Variants in MYH10 observed in about 807,000 individuals in gnomAD.
MYH10 encodes the protein myosin-10.
A neutral mutation model predicts 257.8 loss-of-function variants in MYH10; 55 were observed. The observed-to-expected ratio is 0.21, with a 90% CI of 0.17 to 0.27. The LOEUF is 0.27. Ranked by LOEUF, MYH10 falls within the 10% of genes least tolerant of loss-of-function variation. The probability of loss-of-function intolerance (pLI) is 1.00; values close to 1 mark genes in which losing one functional copy is unlikely to be tolerated. For missense variants in MYH10, 1,631 were observed against 2,500.6 expected, an observed-to-expected ratio of 0.65 and a Z score of 7.42; for synonymous variants, 854 against 921.7, an observed-to-expected ratio of 0.93 and a Z score of 1.33.
chr17:8,476,465 C>T (rs751154968), intron 42 of MYH10, among the ~76,000 whole-genome samples: 7 of 152,210 alleles, frequency 4.6e-5, no homozygotes, highest in Admixed American at 1.3e-4. Flanking sequence ...AGCTCTCTCA[C>T]GCTCTGCCCT....
chr17:8,597,093 T>C (rs1214843256), intron 3 of MYH10, among the ~76,000 whole-genome samples: 2 of 152,156 alleles, frequency 1.3e-5, no homozygotes, highest in African/African-American at 4.8e-5. Flanking sequence ...TGTAGGTGAT[T>C]GCAAAACTAC....
At chr17:8,503,583 C>G (rs1041287889) in intron 28 of MYH10, among the ~76,000 whole-genome samples, 1 of 152,182 alleles carries the variant, frequency 6.6e-6, no homozygotes, top group Admixed American at 6.5e-5. Context: ...ATTCTTTCCA[C>G]GACCAAGTGC....
Position 8,488,169 on chromosome 17 carries a change from T to G in MYH10, c.4885-575A>C, listed in dbSNP as rs186198672. The stretch of plus-strand genomic sequence containing the variant: ...TGGGAGAGTGAGGATGAGTAAGATG[T>G]GGGCTGGAAACCGAGGTGGACACAC... On this transcript the variant is annotated intron_variant, in intron 35 of 42. Coordinates refer to ENST00000360416, the MANE Select transcript of MYH10 (RefSeq NM_001256012.3). Among the ~76,000 whole-genome samples, 193 of 152,216 alleles carry G rather than the reference T, an allele frequency of 1.3e-3. 1 individual carries two copies. The highest frequency in any genetic ancestry group is 0.01 in the Middle Eastern group (3 of 294).
At position 8,478,462 on chromosome 17, in the gene MYH10, CAGT is replaced by C. The variant is rs1452510496; in HGVS notation, c.5598-19_5598-17del. ...TGCTCGTTCCCTGTGAAAGTGGTCACAGTAGTTTTGAAATTCTTGAAATGGTAT... is the reference window on the plus strand; with the variant it reads ...TGCTCGTTCCCTGTGAAAGTGGTCACAGTTTTGAAATTCTTGAAATGGTAT... On this transcript the variant is annotated splice_polypyrimidine_tract_variant and intron_variant, in intron 40 of 42. Coordinates refer to ENST00000360416, the MANE Select transcript of MYH10 (RefSeq NM_001256012.3). The C allele has an allele frequency of 1.2e-6, 2 of 1,611,242 alleles. No individual in the cohort carries two copies. Among genetic ancestry groups the C allele is most frequent in the East Asian group, 2.2e-5 (1 of 44,856 alleles).
chr17:8,594,722 T>C (rs2084295834), intron 3 of MYH10, among the ~76,000 whole-genome samples: 1 of 152,196 alleles, frequency 6.6e-6, no homozygotes, highest in Non-Finnish European at 1.5e-5. Context: ...AAGTCCCTTA[T>C]ATAAAATGGC....
chr17:8,513,928 GA>G (rs752348918), intron 21 of MYH10, 34 bp from the exon 22 acceptor site: 13 of 1,572,400 alleles, frequency 8.3e-6, no homozygotes, highest in Non-Finnish European at 7.8e-6. Context: ...ATGATGTAAA[GA>G]AAAAAGTGCT....
Position 8,545,690 on chromosome 17 carries a change from C to T in MYH10, c.1279-90G>A. 1 of 1,307,198 alleles carries T rather than the reference C, an allele frequency of 7.6e-7. No individual in the cohort carries two copies. The highest frequency in any genetic ancestry group is 1.0e-6 in the Non-Finnish European group (1 of 958,174). 81.0% of individuals were successfully genotyped at this position (1,307,198 alleles called of 1,614,324 possible). On this transcript the variant is annotated intron_variant, in intron 12 of 42. Transcript: ENST00000360416. This position sits in a 1 kb window ranked among gnomAD's most constrained non-coding sequence, Gnocchi z 4.7. Reference sequence around the variant, plus strand: ...TTACGGAATTTAATGTTATACAGCACTCAAAAAACCTGAGATGGCATTCAC... The same window carrying T: ...TTACGGAATTTAATGTTATACAGCATTCAAAAAACCTGAGATGGCATTCAC...
intron 19 of MYH10, 135 bp downstream of exon 19, chr17:8,520,743 T>C: frequency 1.1e-6 from 1 of 935,946 alleles, no homozygotes. Flanking sequence ...TTCCAGAACC[T>C]CACTATATGT....
Position 8,569,623 on chromosome 17 carries a change from T to G in MYH10, c.756+97A>C, listed in dbSNP as rs1249931730. The G allele has an allele frequency of 2.3e-6, 2 of 884,676 alleles. No individual in the cohort carries two copies. Among genetic ancestry groups the G allele is most frequent in the Non-Finnish European group, 3.3e-6 (2 of 598,562 alleles). The allele number at this position is 884,676 out of a possible 1,614,324, so 54.8% of individuals were successfully genotyped here. Reference sequence around the variant, plus strand: ...TACAGAACTACATCTATTAGCTTCTTAAAATCTAGGAAGAAAAGTAATTCA... The same window carrying G: ...TACAGAACTACATCTATTAGCTTCTGAAAATCTAGGAAGAAAAGTAATTCA... On this transcript the variant is annotated intron_variant, in intron 7 of 42. Transcript: ENST00000360416. This position sits in a 1 kb window ranked among gnomAD's most constrained non-coding sequence, Gnocchi z 4.1.
At chr17:8,508,238 G>T (rs151042629) in intron 26 of MYH10, among the ~76,000 whole-genome samples, 1 of 151,978 alleles carries the variant, frequency 6.6e-6, no homozygotes, top group African/African-American at 2.4e-5. Context: ...AAGTAGCTGG[G>T]ACTATAGATG....
intron 36 of MYH10, among the ~76,000 whole-genome samples, chr17:8,486,543 C>CAA (rs67844660): frequency 1.1e-4 from 13 of 120,730 alleles, no homozygotes; most frequent in African/African-American, 3.7e-4. Flanking sequence ...TATTTAGCTT[C>CAA]AAAAAAAAAA....
chr17:8,493,467 GTC>G (rs1025470672), intron 32 of MYH10, among the ~76,000 whole-genome samples: 2 of 152,092 alleles, frequency 1.3e-5, no homozygotes, highest in African/African-American at 4.8e-5. Flanking sequence ...GTCTTAGACT[GTC>G]ACTTAATTTC....
chr17:8,512,280 T>C (rs1429310757), intron 24 of MYH10, among the ~76,000 whole-genome samples, 171 bp downstream of exon 24: 1 of 152,188 alleles, frequency 6.6e-6, no homozygotes, highest in Non-Finnish European at 1.5e-5. Context: ...AAAGAAAATC[T>C]ATTATAGGTG....
At chr17:8,613,233 G>T (rs2085113788) in intron 2 of MYH10, among the ~76,000 whole-genome samples, 1 of 151,810 alleles carries the variant, frequency 6.6e-6, no homozygotes, top group Non-Finnish European at 1.5e-5. Context: ...TCCAAATCCA[G>T]CAAAAACCAA....
At chr17:8,578,458 G>C (rs1004865389) in intron 4 of MYH10, among the ~76,000 whole-genome samples, 1 of 151,926 alleles carries the variant, frequency 6.6e-6, no homozygotes, top group East Asian at 1.9e-4. Flanking sequence ...TGGCTAGGCT[G>C]GTCTCAAACC....
intron 17 of MYH10, among the ~76,000 whole-genome samples, chr17:8,522,593 A>G (rs2081691871): frequency 6.6e-6 from 1 of 152,132 alleles, no homozygotes; most frequent in Non-Finnish European, 1.5e-5. Context: ...CACTTGCCCC[A>G]GCAGAAAGCG....
chr17:8,587,553 C>T (rs894794944), intron 4 of MYH10, among the ~76,000 whole-genome samples: 1 of 152,138 alleles, frequency 6.6e-6, no homozygotes, highest in Non-Finnish European at 1.5e-5. Flanking sequence ...TGGTACTCAT[C>T]TGCCTCCTTG....
chr17:8,588,966 T>G, intron 4 of MYH10, 115 bp downstream of exon 4: 1 of 970,072 alleles, frequency 1.0e-6, no homozygotes, highest in Non-Finnish European at 1.6e-6. Flanking sequence ...ACTGCGAGGT[T>G]TACATCAAAC....
Position 8,545,499 on chromosome 17 carries a change from C to G in MYH10, c.1380G>C (p.Gln460His), listed in dbSNP as rs1349713097. The change falls in exon 13 of 43, where the codon CAG becomes CAC. Residue 460 changes from glutamine (Q) to histidine (H), a missense_variant. Coordinates refer to ENST00000360416, the MANE Select transcript of MYH10 (RefSeq NM_001256012.3). This position sits in a 1 kb window ranked among gnomAD's most constrained non-coding sequence, Gnocchi z 4.7. ...INKALDRTKR[Q>H]GASFIGILDI... ...CCAGGATTCCAATGAAAGATGCTCCCTGACGTTTGGTCCTATCCAGAGCTT... is the reference window on the plus strand; with the variant it reads ...CCAGGATTCCAATGAAAGATGCTCCGTGACGTTTGGTCCTATCCAGAGCTT... 6.2e-7 allele frequency: 1 copy of G among 1,614,094 alleles called. No individual in the cohort carries two copies. The highest frequency in any genetic ancestry group is 1.7e-5 in the Admixed American group (1 of 59,982).
Sources: gnomAD v4.1 joint callset for allele counts (sites outside exome capture counted in the v4.1 genomes callset) on GRCh38, gnomAD v4.1.1 for gene constraint, Gnocchi (gnomAD v3.1) non-coding constraint, MANE v1.5 for transcripts, NCBI Gene and HGNC (gene_info 2026-07-23, HGNC 2026-07-21) for gene names.